MYO3A: variants seen among roughly 807,000 people sequenced by gnomAD.
MYO3A encodes the protein myosin-IIIa.
Under a neutral mutation model 192.7 loss-of-function variants are expected in MYO3A, and 180 were observed. That is an observed-to-expected ratio of 0.93 (90% CI 0.83 to 1.06). The LOEUF is 1.06. MYO3A is among the 50% of genes least tolerant of loss of function. The pLI is 0.00. For missense variants in MYO3A, 1,896 were observed against 1,905.0 expected (o/e 1.00, Z 0.09); for synonymous variants, 628 against 645.3 (o/e 0.97, Z 0.41).
chr10:26,064,072 C>G (rs142839507), intron 10 of MYO3A, among the ~76,000 whole-genome samples: 67 of 152,118 alleles, frequency 4.4e-4, no homozygotes, highest in African/African-American at 1.6e-3. Flanking sequence ...TAGGAGAAGA[C>G]AGAGGACAAG....
In MYO3A at chr10:26,178,865, G is replaced by A. The variant is rs1289173773; in HGVS notation, c.4438+2020G>A. Among the ~76,000 whole-genome samples, 7 of 151,592 alleles carry A rather than the reference G, an allele frequency of 4.6e-5. No homozygotes were observed. The East Asian group carries it at 7.9e-4, about 17-fold the overall frequency. On this transcript the variant is annotated intron_variant, in intron 31 of 34. Coordinates refer to ENST00000642920, the MANE Select transcript of MYO3A (RefSeq NM_017433.5). The stretch of plus-strand genomic sequence containing the variant: ...CACCCAGGCTGTAGTGCAGTGGCGC[G>A]ATCTCGACTCACTGCAAGCTCCGCC...
intron 4 of MYO3A, among the ~76,000 whole-genome samples, chr10:25,964,796 A>G (rs1400754901): frequency 6.6e-6 from 1 of 152,146 alleles, no homozygotes; most frequent in Admixed American, 6.5e-5. Context: ...TATTGATGAA[A>G]TCCTTCAACT....
chr10:26,172,897 AC>A (rs1589076568), intron 29 of MYO3A, among the ~76,000 whole-genome samples: 1 of 152,190 alleles, frequency 6.6e-6, no homozygotes, highest in African/African-American at 2.4e-5. Context: ...CTAAACTCTC[AC>A]ATGGGTTTCT....
At chr10:25,952,955 A>G (rs1837302508) in intron 3 of MYO3A, among the ~76,000 whole-genome samples, 2 of 151,052 alleles carry the variant, frequency 1.3e-5, no homozygotes, top group South Asian at 2.1e-4. Flanking sequence ...GCATGAGACT[A>G]CTGAGATTCT....
chr10:26,040,371 G>A (rs1030069623), intron 10 of MYO3A, among the ~76,000 whole-genome samples: 2 of 152,048 alleles, frequency 1.3e-5, no homozygotes, highest in Admixed American at 6.5e-5. Context: ...AAAATCAGAT[G>A]CATCAAATGA....
chr10:26,081,133 T>TCCCCCTCCCCCC (rs1835905112), intron 14 of MYO3A, among the ~76,000 whole-genome samples: 5 of 84,940 alleles, frequency 5.9e-5, no homozygotes, highest in Non-Finnish European at 9.9e-5. Flanking sequence ...TATATGCCCT[T>TCCCCCTCCCCCC]CCCCCCCCCC....
chr10:26,178,958 C>T (rs914592293), intron 31 of MYO3A, among the ~76,000 whole-genome samples: 1 of 151,064 alleles, frequency 6.6e-6, no homozygotes, highest in Non-Finnish European at 1.5e-5. Flanking sequence ...CCAGCCACCA[C>T]GCCGGGCTAA....
intron 34 of MYO3A, among the ~76,000 whole-genome samples, chr10:26,210,358 C>G (rs533929473): frequency 2.0e-5 from 3 of 152,292 alleles, no homozygotes; most frequent in East Asian, 1.9e-4. Flanking sequence ...CATTAAATGA[C>G]AGTTCCATCC....
chr10:26,039,251 G>C (rs191162640), intron 10 of MYO3A, among the ~76,000 whole-genome samples: 1 of 136,816 alleles, frequency 7.3e-6, no homozygotes, highest in Non-Finnish European at 1.5e-5. Context: ...GTAGAGACAG[G>C]GTTTCTCCAT....
chr10:26,036,135 T>G (rs1246026282), intron 10 of MYO3A, among the ~76,000 whole-genome samples: 1 of 152,048 alleles, frequency 6.6e-6, no homozygotes, highest in Non-Finnish European at 1.5e-5. Context: ...GAGATGGGGT[T>G]TCACTGTGTT....
At chr10:26,206,242 G>T (rs1193188303) in intron 34 of MYO3A, among the ~76,000 whole-genome samples, 1 of 151,082 alleles carries the variant, frequency 6.6e-6, no homozygotes, top group Non-Finnish European at 1.5e-5. Flanking sequence ...TATATTTTTG[G>T]TAGAGACGGG....
At chr10:26,083,018 T>A (rs1386299547) in intron 14 of MYO3A, among the ~76,000 whole-genome samples, 2 of 152,224 alleles carry the variant, frequency 1.3e-5, no homozygotes, top group African/African-American at 4.8e-5. Flanking sequence ...TCTTCACAAT[T>A]TCACAGATAG....
At chr10:26,142,074 A>G (rs2131838343) in intron 20 of MYO3A, among the ~76,000 whole-genome samples, 1 of 152,286 alleles carries the variant, frequency 6.6e-6, no homozygotes, top group Middle Eastern at 3.4e-3. Context: ...ATTATATTTG[A>G]ACTTTGTGGA....
rs202110636 is a variant in MYO3A at position 26,025,605 on chromosome 10, T to TCCACCAA, written c.798-768_798-762dup. 4.1e-3 allele frequency among the ~76,000 whole-genome samples: 622 copies of TCCACCAA among 152,354 alleles called. 3 individuals carry two copies. The highest frequency in any genetic ancestry group is 0.014 in the African/African-American group (594 of 41,584). On this transcript the variant is annotated intron_variant, in intron 9 of 34. Coordinates refer to ENST00000642920, the MANE Select transcript of MYO3A (RefSeq NM_017433.5). ...ATCTGAAAGCTGTTTCTCTCTTGAT[T>TCCACCAA]CCACCAACCAATTCTAGTTCTCTTA...
At chr10:25,957,014 G>A (rs1051773170) in intron 4 of MYO3A, among the ~76,000 whole-genome samples, 3 of 152,132 alleles carry the variant, frequency 2.0e-5, no homozygotes, top group African/African-American at 7.2e-5. Flanking sequence ...AGTTTGCTAA[G>A]GATAATAGCC....
At chr10:26,064,601 G>A (rs775781435) in intron 10 of MYO3A, among the ~76,000 whole-genome samples, 13 of 152,006 alleles carry the variant, frequency 8.6e-5, no homozygotes, top group Non-Finnish European at 1.6e-4. Context: ...AGTGTCAGAA[G>A]GTAAAGATGG....
chr10:26,113,615 G>A (rs116319739), intron 17 of MYO3A, among the ~76,000 whole-genome samples: 1 of 151,960 alleles, frequency 6.6e-6, no homozygotes, highest in East Asian at 1.9e-4. Context: ...CATAAAACAA[G>A]TTACAATTCC....
At chr10:26,025,956 A>G (rs1564471476) in intron 9 of MYO3A, among the ~76,000 whole-genome samples, 1 of 152,258 alleles carries the variant, frequency 6.6e-6, no homozygotes. Flanking sequence ...CTTTAAAAGC[A>G]TTTGTGAAGG....
intron 24 of MYO3A, 133 bp downstream of exon 24, chr10:26,154,062 C>T: frequency 1.4e-6 from 1 of 706,124 alleles, no homozygotes; most frequent in South Asian, 1.7e-5. Context: ...TCTGTTTGAA[C>T]AGATATTTAT....
Sources: gnomAD v4.1 joint callset for allele counts (sites outside exome capture counted in the v4.1 genomes callset) on GRCh38, gnomAD v4.1.1 for gene constraint, MANE v1.5 for transcripts, NCBI Gene and HGNC (gene_info 2026-07-23, HGNC 2026-07-21) for gene names.